The following GARIN1B variants were observed in gnomAD, a reference collection of about 807,000 sequenced individuals.
The protein encoded by GARIN1B is Golgi-associated RAB2 interactor protein 1B.
chr7:128,712,042 A>G, the GARIN1B span, among the ~76,000 whole-genome samples: 1 of 152,128 alleles, frequency 6.6e-6, no homozygotes, highest in East Asian at 1.9e-4. Context: ...CTCCGCCTCA[A>G]AAAACAAAAA....
At chr7:128,718,035 AG>A in the GARIN1B span, among the ~76,000 whole-genome samples, 1 of 152,144 alleles carries the variant, frequency 6.6e-6, no homozygotes, top group Admixed American at 6.6e-5. Flanking sequence ...TTAGATCCAA[AG>A]CCAGATCCTT....
the GARIN1B span, among the ~76,000 whole-genome samples, chr7:128,727,618 A>G: frequency 6.6e-6 from 1 of 151,938 alleles, no homozygotes; most frequent in African/African-American, 2.4e-5. Context: ...ATCTTCCCCC[A>G]TCTCACCCAT....
At chr7:128,714,471 G>A in the GARIN1B span, among the ~76,000 whole-genome samples, 1 of 152,152 alleles carries the variant, frequency 6.6e-6, no homozygotes, top group East Asian at 1.9e-4. Flanking sequence ...CCAGCTACTC[G>A]GGAGGCTGAG....
the GARIN1B span, among the ~76,000 whole-genome samples, chr7:128,724,162 C>T: frequency 6.6e-6 from 1 of 151,998 alleles, no homozygotes; most frequent in Non-Finnish European, 1.5e-5. Flanking sequence ...AGACACACAT[C>T]ACCACGCCCA....
At chr7:128,715,479 A>G in the GARIN1B span, 7 of 1,614,162 alleles carry the variant, frequency 4.3e-6, no homozygotes, top group Non-Finnish European at 5.9e-6. Context: ...ACTTGGAGGA[A>G]ATCAAAGAAG....
chr7:128,729,977 A>G, the GARIN1B span: 2 of 1,614,048 alleles, frequency 1.2e-6, no homozygotes, highest in Non-Finnish European at 8.5e-7. Flanking sequence ...ACGTACGGAG[A>G]GTGGGAAAGA....
At chr7:128,709,966 T>C in the GARIN1B span, among the ~76,000 whole-genome samples, 1 of 151,964 alleles carries the variant, frequency 6.6e-6, no homozygotes, top group African/African-American at 2.4e-5. Context: ...TTGGCCAGGC[T>C]GGTCTCGAAC....
chr7:128,709,925 G>C, the GARIN1B span, among the ~76,000 whole-genome samples: 1 of 151,276 alleles, frequency 6.6e-6, no homozygotes, highest in Non-Finnish European at 1.5e-5. Context: ...CTAATTTTTA[G>C]TATCTTTAGT....
the GARIN1B span, among the ~76,000 whole-genome samples, chr7:128,718,416 G>C: frequency 1.6e-5 from 2 of 127,678 alleles, no homozygotes; most frequent in African/African-American, 6.2e-5. Flanking sequence ...TGGGCAACAA[G>C]AGCAAAACTT....
At chr7:128,720,823 T>C in the GARIN1B span, among the ~76,000 whole-genome samples, 4 of 152,238 alleles carry the variant, frequency 2.6e-5, no homozygotes, top group Non-Finnish European at 4.4e-5. Context: ...TGTTGACTTA[T>C]TTGCCTATTC....
chr7:128,729,888 T>C, the GARIN1B span: 1 of 1,610,758 alleles, frequency 6.2e-7, no homozygotes, highest in Middle Eastern at 1.7e-4. Context: ...AATGCATTTC[T>C]TTACTTGATC....
chr7:128,725,406 A>G, the GARIN1B span, among the ~76,000 whole-genome samples: 1 of 148,816 alleles, frequency 6.7e-6, no homozygotes, highest in African/African-American at 2.5e-5. Flanking sequence ...AGACAGTCTC[A>G]CTCTGTTGCC....
chr7:128,711,237 A>T, the GARIN1B span, among the ~76,000 whole-genome samples: 4 of 148,848 alleles, frequency 2.7e-5, no homozygotes, highest in South Asian at 4.3e-4. Flanking sequence ...TATTTTAATT[A>T]AAAAAAAAAG....
At chr7:128,715,613 C>T in the GARIN1B span, 6,270 of 1,614,168 alleles carry the variant, frequency 3.9e-3, 19 homozygotes, top group Non-Finnish European at 4.9e-3. Flanking sequence ...GGAGGAGGGA[C>T]TGCTCTGCCG....
At chr7:128,722,076 T>A in the GARIN1B span, among the ~76,000 whole-genome samples, 1 of 152,264 alleles carries the variant, frequency 6.6e-6, no homozygotes, top group Non-Finnish European at 1.5e-5. Flanking sequence ...TCTTGGGATA[T>A]CTTTGTGATC....
the GARIN1B span, chr7:128,719,208 T>C: frequency 2.4e-6 from 2 of 841,730 alleles, no homozygotes; most frequent in South Asian, 4.0e-5. Context: ...ACAGCTTTAT[T>C]GAGTATCATT....
At chr7:128,714,147 G>A in the GARIN1B span, 1 of 1,535,658 alleles carries the variant, frequency 6.5e-7, no homozygotes, top group South Asian at 1.2e-5. Context: ...GAGCCTCCAG[G>A]CCCTTTAGGC....
chr7:128,726,678 A>C, the GARIN1B span: 1 of 425,834 alleles, frequency 2.3e-6, no homozygotes, highest in South Asian at 2.7e-5. Context: ...CGTCACACCC[A>C]TCCAATATAG....
chr7:128,728,696 A>T, the GARIN1B span, among the ~76,000 whole-genome samples: 2 of 152,226 alleles, frequency 1.3e-5, no homozygotes, highest in Non-Finnish European at 2.9e-5. Context: ...ATCTGGACAT[A>T]TGTGGCATAC....
Sources: gnomAD v4.1 joint callset for allele counts (sites outside exome capture counted in the v4.1 genomes callset) on GRCh38, gnomAD v4.1.1 for gene constraint, MANE v1.5 for transcripts, NCBI Gene and HGNC (gene_info 2026-07-23, HGNC 2026-07-21) for gene names.